ABLIM2: variants seen among roughly 807,000 people sequenced by gnomAD.
ABLIM2 encodes actin binding LIM protein family member 2.
In ABLIM2, 53 loss-of-function variants were observed where a neutral mutation model predicts 97.7. The observed-to-expected ratio is 0.54, with a 90% CI of 0.44 to 0.68. The LOEUF (loss-of-function observed/expected upper bound fraction) is 0.68, where lower values mean the gene tolerates loss of function less well. ABLIM2 is among the 30% of genes least tolerant of loss of function. The pLI is 0.00. For synonymous variants in ABLIM2, 361 were observed against 345.8 expected, an observed-to-expected ratio of 1.04 and a Z score of -0.49; for missense variants, 835 against 867.2, an observed-to-expected ratio of 0.96 and a Z score of 0.47.
chr4:8,037,511 C>T (rs572085466), intron 9 of ABLIM2, among the ~76,000 whole-genome samples: 3 of 152,138 alleles, frequency 2.0e-5, no homozygotes, highest in South Asian at 2.1e-4. Flanking sequence ...CGTGCTCACA[C>T]ATGCAATCAC....
In ABLIM2 at chr4:8,091,531, TAA is replaced by T. The variant is rs1242892252; in HGVS notation, c.339-3249_339-3248del. Among the ~76,000 whole-genome samples the T allele has an allele frequency of 2.6e-3, 71 of 27,108 alleles. 11 individuals are homozygous for T. The highest frequency in any genetic ancestry group is 0.011 in the African/African-American group (51 of 4,734). 17.8% of individuals were successfully genotyped at this position (27,108 alleles called of 152,430 possible). Reference sequence around the variant, plus strand: ...TAAAATATAAAATATATATTATATATAAAATTATATATAATATTTATAATTAT... The same window carrying T: ...TAAAATATAAAATATATATTATATATAATTATATATAATATTTATAATTAT... On this transcript the variant is annotated intron_variant, in intron 3 of 20. Coordinates refer to ENST00000447017, the MANE Select transcript of ABLIM2 (RefSeq NM_001130083.2).
chr4:8,008,915 T>A lies in ABLIM2; in HGVS notation c.1476+135A>T, dbSNP rs184838061. 1.2e-3 allele frequency: 1,145 copies of A among 980,530 alleles called. 8 individuals are homozygous for A. The African/African-American group carries it at 0.016, about 14-fold the overall frequency. The allele number at this position is 980,530 out of a possible 1,614,324, so 60.7% of individuals were successfully genotyped here. On this transcript the variant is annotated intron_variant, in intron 15 of 20. Transcript: ENST00000447017. ...GAAGGAAACTGATGGAAGGGCCTCCTACCTTTGGCCTCGCAGGGCCCCTAA... is the reference window on the plus strand; with the variant it reads ...GAAGGAAACTGATGGAAGGGCCTCCAACCTTTGGCCTCGCAGGGCCCCTAA...
rs1409533733 is a variant in ABLIM2 at position 8,058,441 on chromosome 4, C to T, written c.763+2526G>A. ...TCATTCAACAGCCCGCAGGCACCTG[C>T]ACGGCAGACGCTCTGACAGCAGCTC... On this transcript the variant is annotated intron_variant, in intron 7 of 20. Coordinates refer to ENST00000447017, the MANE Select transcript of ABLIM2 (RefSeq NM_001130083.2). The surrounding 1 kb of genome is among the most constrained non-coding windows in gnomAD (Gnocchi z 4.2). Among the ~76,000 whole-genome samples the T allele has an allele frequency of 1.3e-5, 2 of 152,242 alleles. No individual in the cohort carries two copies. Among genetic ancestry groups the T allele is most frequent in the Non-Finnish European group, 2.9e-5 (2 of 68,046 alleles).
intron 1 of ABLIM2, among the ~76,000 whole-genome samples, chr4:8,133,573 G>C (rs765472633): frequency 7.9e-5 from 12 of 152,134 alleles, no homozygotes; most frequent in Admixed American, 1.3e-4. Flanking sequence ...CCCAGGTTGA[G>C]AGCAAACCCC....
chr4:8,152,623 C>T (rs573235611), intron 1 of ABLIM2, among the ~76,000 whole-genome samples: 26 of 152,344 alleles, frequency 1.7e-4, no homozygotes, highest in East Asian at 1.4e-3. Flanking sequence ...GTGCGAGCCT[C>T]GGAGGTCTGC....
In ABLIM2 at chr4:7,992,294, A is replaced by C. The variant is rs903398635; in HGVS notation, c.1680+572T>G. Among the ~76,000 whole-genome samples, 5 of 152,162 alleles carry C rather than the reference A, an allele frequency of 3.3e-5. No individual in the cohort carries two copies. Among genetic ancestry groups the C allele is most frequent in the African/African-American group, 1.2e-4 (5 of 41,434 alleles). The stretch of plus-strand genomic sequence containing the variant: ...TATTCAGATGTCCCAAGCATCAGAA[A>C]ACTCAGGGTAGGAGGTGGCACCAGT... On this transcript the variant is annotated intron_variant, in intron 17 of 20. Coordinates refer to ENST00000447017, the MANE Select transcript of ABLIM2 (RefSeq NM_001130083.2). The surrounding 1 kb of genome is among the most constrained non-coding windows in gnomAD (Gnocchi z 5.7).
intron 10 of ABLIM2, among the ~76,000 whole-genome samples, 192 bp from the exon 11 acceptor site, chr4:8,029,968 C>T (rs1469769500): frequency 1.3e-5 from 2 of 152,198 alleles, no homozygotes; most frequent in Non-Finnish European, 2.9e-5. Flanking sequence ...GTGGTGCAGA[C>T]ACACTCCCCG....
chr4:8,026,825 C>T (rs1490270681), intron 12 of ABLIM2, among the ~76,000 whole-genome samples: 3 of 151,996 alleles, frequency 2.0e-5, no homozygotes, highest in Admixed American at 6.5e-5. Context: ...TTGCAGACAT[C>T]GCTGTGTCTG....
Position 8,127,468 on chromosome 4 carries a change from C to A in ABLIM2, c.11-20831G>T, listed in dbSNP as rs1848529610. 7.8e-7 allele frequency: 1 copy of A among 1,284,008 alleles called. No homozygotes were observed. Among genetic ancestry groups the A allele is most frequent in the Non-Finnish European group, 1.0e-6 (1 of 984,338 alleles). 79.5% of individuals were successfully genotyped at this position (1,284,008 alleles called of 1,614,324 possible). A position where few individuals can be genotyped will look rare whatever the true frequency, so the allele number is the denominator to read the frequency against. ...AGCTGATTCATGGAGCTCACAGCTC[C>A]CAGTCCCCTGAAGCTGACTCATGGA... On this transcript the variant is annotated intron_variant, in intron 1 of 20. Coordinates refer to ENST00000447017, the MANE Select transcript of ABLIM2 (RefSeq NM_001130083.2). The surrounding 1 kb of genome is among the most constrained non-coding windows in gnomAD (Gnocchi z 7.3).
Position 8,083,930 on chromosome 4 carries a change from G to T in ABLIM2, c.455-3128C>A, listed in dbSNP as rs374758448. On this transcript the variant is annotated intron_variant, in intron 4 of 20. Coordinates refer to ENST00000447017, the MANE Select transcript of ABLIM2 (RefSeq NM_001130083.2). This position sits in a 1 kb window ranked among gnomAD's most constrained non-coding sequence, Gnocchi z 4.6. ...ATGGTGGGGGTGGTTGTTGGGGGGT[G>T]GCTAGGATGTGCCAGGCAGCCTCCT... Among the ~76,000 whole-genome samples, 29 of 152,244 alleles carry T rather than the reference G, an allele frequency of 1.9e-4. No individual in the cohort carries two copies. Among genetic ancestry groups the T allele is most frequent in the African/African-American group, 6.5e-4 (27 of 41,546 alleles).
At chr4:8,090,290 G>A (rs371718871) in intron 3 of ABLIM2, among the ~76,000 whole-genome samples, 9 of 152,306 alleles carry the variant, frequency 5.9e-5, no homozygotes, top group South Asian at 2.1e-4. Flanking sequence ...TGCTTGGAGC[G>A]AATCTCTGGC....
intron 20 of ABLIM2, among the ~76,000 whole-genome samples, chr4:7,972,986 G>T (rs1353225690): frequency 6.6e-6 from 1 of 151,882 alleles, no homozygotes; most frequent in Non-Finnish European, 1.5e-5. Context: ...CTCACTGCTT[G>T]AGCAAACCCT....
At chr4:8,135,282 T>A (rs1850025878) in intron 1 of ABLIM2, among the ~76,000 whole-genome samples, 2 of 152,190 alleles carry the variant, frequency 1.3e-5, no homozygotes. Flanking sequence ...AACAGACAAC[T>A]AGGGGTAACC....
At position 8,125,612 on chromosome 4, in the gene ABLIM2, G is replaced by A. The variant is rs1012708963; in HGVS notation, c.11-18975C>T. Among the ~76,000 whole-genome samples, 6 of 152,166 alleles carry A rather than the reference G, an allele frequency of 3.9e-5. No individual in the cohort carries two copies. Among genetic ancestry groups the A allele is most frequent in the Non-Finnish European group, 4.4e-5 (3 of 68,034 alleles). On this transcript the variant is annotated intron_variant, in intron 1 of 20. Coordinates refer to ENST00000447017, the MANE Select transcript of ABLIM2 (RefSeq NM_001130083.2). The surrounding 1 kb of genome is among the most constrained non-coding windows in gnomAD (Gnocchi z 6.2). ...GGGCCTCGGTGCCGGGGCTGCTTCT[G>A]GGATGGTCGTGGTTGGCTCTGCCAT...
rs965698565 is a variant in ABLIM2, at chr4:7,970,916, G to T, written c.1825-3813C>A. Among the ~76,000 whole-genome samples, 3 of 152,164 alleles carry T rather than the reference G, an allele frequency of 2.0e-5. 1 individual carries two copies. Among genetic ancestry groups the T allele is most frequent in the African/African-American group, 7.2e-5 (3 of 41,538 alleles). ...CCCAGGACTTGGGGCCAGGGGTCTA[G>T]GGGGCTGACAGGGACCACCTCCCCG... On this transcript the variant is annotated intron_variant, in intron 20 of 20. Coordinates refer to ENST00000447017, the MANE Select transcript of ABLIM2 (RefSeq NM_001130083.2). This position sits in a 1 kb window ranked among gnomAD's most constrained non-coding sequence, Gnocchi z 5.3.
Position 8,085,302 on chromosome 4 carries a change from C to T in ABLIM2, c.454+2867G>A, listed in dbSNP as rs1439906138. Among the ~76,000 whole-genome samples the T allele has an allele frequency of 6.6e-6, 1 of 152,180 alleles. No homozygotes were observed. Among genetic ancestry groups the T allele is most frequent in the Non-Finnish European group, 1.5e-5 (1 of 68,032 alleles). On this transcript the variant is annotated intron_variant, in intron 4 of 20. Coordinates refer to ENST00000447017, the MANE Select transcript of ABLIM2 (RefSeq NM_001130083.2). This position sits in a 1 kb window ranked among gnomAD's most constrained non-coding sequence, Gnocchi z 6.1. ...GCCAGGCAGACGGTGCTGCTTCCTA[C>T]ATTCTGGACTGACTTGACTCTACCC...
rs531358817 is a variant in ABLIM2 at position 8,044,641 on chromosome 4, G to GACACACACACAC, written c.900+511_900+522dup. On this transcript the variant is annotated intron_variant, in intron 9 of 20. Transcript: ENST00000447017. The surrounding 1 kb of genome is among the most constrained non-coding windows in gnomAD (Gnocchi z 4.4). ...ATTATGGAAGCGTGTGAGGCGCACA[G>GACACACACACAC]ACACACACACACACACACACACACA... 1.6e-4 allele frequency among the ~76,000 whole-genome samples: 20 copies of GACACACACACAC among 124,238 alleles called. No individual in the cohort carries two copies. Among genetic ancestry groups the GACACACACACAC allele is most frequent in the East Asian group, 4.7e-4 (2 of 4,226 alleles). 81.5% of individuals were successfully genotyped at this position (124,238 alleles called of 152,430 possible). A position where few individuals can be genotyped will look rare whatever the true frequency, so the allele number is the denominator to read the frequency against.
Position 8,019,329 on chromosome 4 carries a change from C to A in ABLIM2, c.1423+289G>T, listed in dbSNP as rs996636304. On this transcript the variant is annotated intron_variant, in intron 14 of 20. Coordinates refer to ENST00000447017, the MANE Select transcript of ABLIM2 (RefSeq NM_001130083.2). The surrounding 1 kb of genome is among the most constrained non-coding windows in gnomAD (Gnocchi z 4.3). ...GGCTGCATAATTGAAGGCGCCACCACCAGGCTCTTGGCTATAAACCCCCAT... is the reference window on the plus strand; with the variant it reads ...GGCTGCATAATTGAAGGCGCCACCAACAGGCTCTTGGCTATAAACCCCCAT... Among the ~76,000 whole-genome samples the A allele has an allele frequency of 6.6e-6, 1 of 152,222 alleles. No individual in the cohort carries two copies. Among genetic ancestry groups the A allele is most frequent in the Non-Finnish European group, 1.5e-5 (1 of 68,052 alleles).
intron 3 of ABLIM2, among the ~76,000 whole-genome samples, chr4:8,094,037 G>C (rs1476476521): frequency 1.3e-5 from 2 of 152,088 alleles, no homozygotes; most frequent in Non-Finnish European, 2.9e-5. Flanking sequence ...CTCTGCTTAA[G>C]TTTGAATTCT....
Sources: allele counts gnomAD v4.1 joint callset (sites outside exome capture counted in the v4.1 genomes callset), GRCh38; gene constraint gnomAD v4.1.1; non-coding constraint Gnocchi (gnomAD v3.1); transcripts MANE v1.5; gene names NCBI Gene and HGNC (gene_info 2026-07-23, HGNC 2026-07-21).